Variants in SLC25A48 observed in about 807,000 individuals in gnomAD.
SLC25A48 encodes CTC-321K16.1.
A neutral mutation model predicts 32.2 loss-of-function variants in SLC25A48; 29 were observed. That is an observed-to-expected ratio of 0.90 (90% CI 0.67 to 1.23). The LOEUF (loss-of-function observed/expected upper bound fraction) is 1.23, where lower values mean the gene tolerates loss of function less well. Ranked by LOEUF, SLC25A48 falls within the 50% of genes most tolerant of loss-of-function variation. SLC25A48 has a pLI of 0.00. For missense variants in SLC25A48, 399 were observed against 422.7 expected (o/e 0.94, Z 0.49); for synonymous variants, 164 against 172.3 (o/e 0.95, Z 0.38).
At position 135,809,375 on chromosome 5, in the gene SLC25A48, A is replaced by G. The variant is rs542335707; in HGVS notation, c.-520-3148A>G. Among the ~76,000 whole-genome samples, 4 of 152,302 alleles carry G rather than the reference A, an allele frequency of 2.6e-5. No homozygotes were observed. The East Asian group carries it at 5.8e-4, about 22-fold the overall frequency. On this transcript the variant is annotated intron_variant, in intron 3 of 10. Coordinates refer to the SLC25A48 transcript ENST00000646290. ...GAGAAAGCTCTCATTTTAGATATCC[A>G]TTCATTCATTCATTCAATAGTGTGC... is the stretch of plus-strand genomic sequence containing the variant.
intron 3 of SLC25A48, among the ~76,000 whole-genome samples, chr5:135,700,495 G>A (rs1012703624): frequency 2.6e-5 from 4 of 152,072 alleles, no homozygotes; most frequent in African/African-American, 9.7e-5. Context: ...GCTAGGGGCC[G>A]AGGACAGCAA....
chr5:135,740,720 G>C (rs565654933), intron 3 of SLC25A48, among the ~76,000 whole-genome samples: 1 of 152,180 alleles, frequency 6.6e-6, no homozygotes, highest in Non-Finnish European at 1.5e-5. Flanking sequence ...GGTTTAACAA[G>C]CTCTTTCAAT....
chr5:135,876,220 A>G (rs911382690), intron 6 of SLC25A48: 3 of 139,556 alleles, frequency 2.1e-5, no homozygotes, highest in Non-Finnish European at 4.5e-5. Flanking sequence ...AAGTGTTTCA[A>G]GTGGATGATT....
intron 3 of SLC25A48, among the ~76,000 whole-genome samples, chr5:135,749,598 G>A (rs1164953551): frequency 6.6e-6 from 1 of 151,730 alleles, no homozygotes; most frequent in African/African-American, 2.4e-5. Flanking sequence ...TTGGGGTGGG[G>A]TGGTGGGGGT....
intron 1 of SLC25A48, among the ~76,000 whole-genome samples, chr5:135,579,910 C>T (rs548782075): frequency 6.6e-6 from 1 of 152,320 alleles, no homozygotes; most frequent in South Asian, 2.1e-4. Context: ...CTTTCCAGCA[C>T]AAGTGACTTT....
chr5:135,696,499 G>GTGAATGAA (rs146611202), intron 3 of SLC25A48, among the ~76,000 whole-genome samples: 59 of 152,096 alleles, frequency 3.9e-4, no homozygotes, highest in Middle Eastern at 3.4e-3. Flanking sequence ...TGCTGGGTGA[G>GTGAATGAA]TGAATGAATG....
chr5:135,759,278 C>A lies in SLC25A48; in HGVS notation c.-520-53245C>A, dbSNP rs147358281. The stretch of plus-strand genomic sequence containing the variant: ...ACCATACAAAGCATTTTCCACATAA[C>A]AAATGCTCTTGGAGACCATACCACT... On this transcript the variant is annotated intron_variant, in intron 3 of 10. Coordinates refer to the SLC25A48 transcript ENST00000646290. Among the ~76,000 whole-genome samples, 1,073 of 152,226 alleles carry A rather than the reference C, an allele frequency of 7.0e-3. 16 individuals are homozygous for A. Among genetic ancestry groups the A allele is most frequent in the African/African-American group, 0.024 (1,016 of 41,536 alleles).
intron 4 of SLC25A48, among the ~76,000 whole-genome samples, chr5:135,854,213 G>A (rs987299953): frequency 6.6e-6 from 1 of 152,174 alleles, no homozygotes; most frequent in Admixed American, 6.5e-5. Context: ...TTTTCAGAAT[G>A]GTAAGTGAGC....
At chr5:135,736,666 TC>T (rs1310056488) in intron 3 of SLC25A48, among the ~76,000 whole-genome samples, 2 of 152,158 alleles carry the variant, frequency 1.3e-5, no homozygotes, top group East Asian at 3.9e-4. Context: ...AAGGCAGGCA[TC>T]CCCGTGTGAT....
chr5:135,729,344 T>C (rs1189588586), intron 3 of SLC25A48, among the ~76,000 whole-genome samples: 1 of 152,194 alleles, frequency 6.6e-6, no homozygotes, highest in Admixed American at 6.6e-5. Flanking sequence ...TTGTTTGATG[T>C]TGAGGAAAGA....
chr5:135,718,584 G>C (rs1481236266), intron 3 of SLC25A48, among the ~76,000 whole-genome samples: 2 of 152,074 alleles, frequency 1.3e-5, no homozygotes, highest in Non-Finnish European at 2.9e-5. Flanking sequence ...GAATATAAAC[G>C]TGTTTTTTAT....
At chr5:135,872,201 A>C in intron 5 of SLC25A48, 2 of 305,372 alleles carry the variant, frequency 6.5e-6, no homozygotes, top group Non-Finnish European at 5.9e-6. Flanking sequence ...TTAAGTTCAA[A>C]TCCACACTTC....
chr5:135,776,265 CT>C (rs200537089), intron 3 of SLC25A48, among the ~76,000 whole-genome samples: 51 of 127,820 alleles, frequency 4.0e-4, no homozygotes, highest in African/African-American at 1.5e-3. Context: ...TTCCTCATAT[CT>C]GGGGGGTGGG....
chr5:135,798,927 A>G (rs1395234179), intron 3 of SLC25A48, among the ~76,000 whole-genome samples: 1 of 150,888 alleles, frequency 6.6e-6, no homozygotes, highest in East Asian at 2.0e-4. Flanking sequence ...TAAAGAGTGT[A>G]CACCTGCAAT....
chr5:135,826,590 G>T (rs1035831329), intron 4 of SLC25A48: 5 of 152,188 alleles, frequency 3.3e-5, no homozygotes, highest in Non-Finnish European at 7.3e-5. Context: ...GGATGCTTTG[G>T]AGTAATACTT....
At chr5:135,610,931 A>G (rs1374708111) in intron 1 of SLC25A48, among the ~76,000 whole-genome samples, 8 of 152,210 alleles carry the variant, frequency 5.3e-5, no homozygotes, top group Admixed American at 5.2e-4. Context: ...CTTTGACATT[A>G]GCAAGACATG....
chr5:135,635,334 G>T (rs1024563413), intron 3 of SLC25A48, among the ~76,000 whole-genome samples: 4 of 152,196 alleles, frequency 2.6e-5, no homozygotes, highest in Non-Finnish European at 5.9e-5. Flanking sequence ...GCTGGGGTCT[G>T]GTTGTAATGG....
At chr5:135,590,210 G>A (rs1751485157) in intron 1 of SLC25A48, among the ~76,000 whole-genome samples, 1 of 152,140 alleles carries the variant, frequency 6.6e-6, no homozygotes, top group African/African-American at 2.4e-5. Context: ...TGCATATAGG[G>A]CCCCCAACAT....
intron 3 of SLC25A48, among the ~76,000 whole-genome samples, chr5:135,712,657 A>AAGATC (rs1429581011): frequency 1.3e-5 from 2 of 152,170 alleles, no homozygotes; most frequent in Non-Finnish European, 2.9e-5. Flanking sequence ...GGCTCACCAA[A>AAGATC]AGATCAGCTT....
Sources: gnomAD v4.1 joint callset for allele counts (sites outside exome capture counted in the v4.1 genomes callset) on GRCh38, gnomAD v4.1.1 for gene constraint, MANE v1.5 for transcripts, NCBI Gene and HGNC (gene_info 2026-07-23, HGNC 2026-07-21) for gene names.